Variants in HERC2 observed in about 807,000 individuals in gnomAD.
HERC2 encodes the protein E3 ubiquitin-protein ligase HERC2.
A neutral mutation model predicts 537.7 loss-of-function variants in HERC2; 102 were observed. The observed-to-expected ratio is 0.19, with a 90% CI of 0.16 to 0.22. The LOEUF is 0.22. HERC2 is among the 10% of genes least tolerant of loss of function. HERC2 has a pLI of 1.00. For synonymous variants in HERC2, 2,224 were observed against 2,466.2 expected, an observed-to-expected ratio of 0.90 and a Z score of 2.91; for missense variants, 4,236 against 6,198.2, an observed-to-expected ratio of 0.68 and a Z score of 10.63.
At position 28,130,499 on chromosome 15, in the gene HERC2, G is replaced by A. The variant is rs377613646; in HGVS notation, c.12662+4C>T. The A allele has an allele frequency of 9.9e-5, 159 of 1,612,292 alleles. No homozygotes were observed. The highest frequency in any genetic ancestry group is 6.6e-4 in the Middle Eastern group (4 of 6,058). Reference sequence around the variant, plus strand: ...TGGGTTTAAACAAACAGAATCTTGCGTACCAGGTATAAACAGCTCCAGATT... The same window carrying A: ...TGGGTTTAAACAAACAGAATCTTGCATACCAGGTATAAACAGCTCCAGATT... On this transcript the variant is annotated splice_donor_region_variant and intron_variant, in intron 82 of 92. Transcript: ENST00000261609.
At position 28,245,992 on chromosome 15, in the gene HERC2, C is replaced by T; in HGVS notation, c.3466G>A (p.Gly1156Arg). Reference sequence around the variant, plus strand: ...AGGCCACCCAGCAGAGGTACAGCTCCAGCCTCTTGCATGAGACCAGCATTT... The same window carrying T: ...AGGCCACCCAGCAGAGGTACAGCTCTAGCCTCTTGCATGAGACCAGCATTT... The part of the protein sequence containing the change: ...SKNAGLMQEA[G>R]AVPLLGGLLE... The change falls in exon 23 of 93, where the codon GGA becomes AGA. Residue 1156 changes from glycine to arginine, a missense_variant. Gly to Arg is a moderately radical substitution (Grantham distance 125). Around this residue, in one of 27 missense-constraint regions of HERC2, gnomAD observed 754 missense variants for 1,085.0 expected, o/e 0.69. Transcript: ENST00000261609. 6.2e-7 allele frequency: 1 copy of T among 1,613,946 alleles called. No homozygotes were observed.
intron 4 of HERC2, among the ~76,000 whole-genome samples, chr15:28,292,197 C>T (rs533744720): frequency 2.5e-4 from 36 of 141,584 alleles, no homozygotes; most frequent in African/African-American, 8.4e-4. Flanking sequence ...CCACTGCACT[C>T]CAGCCTGGGC....
chr15:28,287,937 C>G (rs2076205421), intron 4 of HERC2, among the ~76,000 whole-genome samples: 1 of 152,124 alleles, frequency 6.6e-6, no homozygotes, highest in South Asian at 2.1e-4. Flanking sequence ...TGTTAGCCAG[C>G]ATGGTCTCGA....
At chr15:28,141,688 C>T (rs1316421787) in intron 77 of HERC2, 43 bp downstream of exon 77, 16 of 1,610,876 alleles carry the variant, frequency 9.9e-6, no homozygotes, top group Non-Finnish European at 1.4e-5. Context: ...CACAGCCTCT[C>T]ACACTCACGA....
At position 28,270,707 on chromosome 15, in the gene HERC2, C is replaced by T. The variant is rs752063015; in HGVS notation, c.1245G>A (p.Pro415=). Residue 415 remains proline (P), a synonymous_variant, in exon 10 of 93, where the codon CCG becomes CCA. Transcript: ENST00000261609. ...TPCMPPLCSS[P]TSHKGSLQEV... ...CTTGCACACACACCTTATGAGATGT[C>T]GGAGAGCTACACAGCGGAGGCATAC... is the stretch of plus-strand genomic sequence containing the variant. 26 of 1,613,640 alleles carry T rather than the reference C, an allele frequency of 1.6e-5. No homozygotes were observed. The highest frequency in any genetic ancestry group is 6.7e-5 in the Admixed American group (4 of 59,992).
At chr15:28,138,073 C>T (rs1451973738) in intron 78 of HERC2, among the ~76,000 whole-genome samples, 2 of 152,196 alleles carry the variant, frequency 1.3e-5, no homozygotes, top group African/African-American at 4.8e-5. Flanking sequence ...TTCAATTCCA[C>T]GAAGGCTAAC....
intron 23 of HERC2, among the ~76,000 whole-genome samples, chr15:28,239,870 T>C: frequency 6.6e-6 from 1 of 152,158 alleles, no homozygotes; most frequent in East Asian, 1.9e-4. Flanking sequence ...GGAGCCATGT[T>C]GTTGGGAGAA....
rs760079208 is a variant in HERC2, at chr15:28,254,435, C to T, written c.2955G>A (p.Arg985=). 6.2e-7 allele frequency: 1 copy of T among 1,608,946 alleles called. No individual in the cohort carries two copies. Among genetic ancestry groups the T allele is most frequent in the South Asian group, 1.1e-5 (1 of 89,670 alleles). Residue 985 remains arginine (R), a synonymous_variant, in exon 20 of 93, where the codon AGG becomes AGA. Coordinates refer to ENST00000261609, the MANE Select transcript of HERC2 (RefSeq NM_004667.6). ...EANASTFHRS[R]TPLDKDLINT... ...TAATAAGGTCTTTATCCAGTGGAGT[C>T]CTGCTTCTATGAAATGTTGAGGCAT...
intron 70 of HERC2, among the ~76,000 whole-genome samples, chr15:28,148,993 G>A (rs1488973324): frequency 1.4e-5 from 2 of 145,736 alleles, no homozygotes; most frequent in South Asian, 2.2e-4. Flanking sequence ...AAACACACAC[G>A]GCTCCTAACC....
At chr15:28,191,636 A>G (rs1185780882) in intron 53 of HERC2, among the ~76,000 whole-genome samples, 5 of 152,200 alleles carry the variant, frequency 3.3e-5, no homozygotes. Flanking sequence ...CAAATTTGCT[A>G]GACTATACTA....
chr15:28,227,456 CAAAAAAAAAAAG>C (rs1296688404), intron 35 of HERC2, among the ~76,000 whole-genome samples: 1 of 97,704 alleles, frequency 1.0e-5, no homozygotes, highest in Non-Finnish European at 2.1e-5. Flanking sequence ...GGCCTTCATC[CAAAAAAAAAAAG>C]AAAAAAAAAA....
chr15:28,220,510 T>G lies in HERC2; in HGVS notation c.5787A>C (p.Ala1929=), dbSNP rs761531819. The G allele has an allele frequency of 1.2e-6, 2 of 1,603,502 alleles. No individual in the cohort carries two copies. The highest frequency in any genetic ancestry group is 2.2e-5 in the South Asian group (2 of 90,994). ...AGGGCTGTGCAGCAGCCGGCAGCTC[T>G]GCCAGCTTGAGGTCGTATTTTCCTT... ...GKEGKYDLKL[A]ELPAAAQPSA... is the part of the protein sequence containing the mutation. Residue 1929 remains alanine (A), a synonymous_variant, in exon 37 of 93, where the codon GCA becomes GCC. Transcript: ENST00000261609.
chr15:28,127,200 G>A (rs895164319), intron 83 of HERC2, among the ~76,000 whole-genome samples: 17 of 152,234 alleles, frequency 1.1e-4, no homozygotes, highest in Non-Finnish European at 2.9e-5. Context: ...CGAGGCGGGT[G>A]TCGCACACAC....
Position 28,117,164 on chromosome 15 carries a change from A to G in HERC2, c.13273-10T>C. On this transcript the variant is annotated splice_polypyrimidine_tract_variant and intron_variant, in intron 86 of 92. Coordinates refer to ENST00000261609, the MANE Select transcript of HERC2 (RefSeq NM_004667.6). ...TCCTTGATCGTTTGACCTGGAGAGG[A>G]GGAAGCAAGCAAGCGTGAGGCCGCT... 6.2e-7 allele frequency: 1 copy of G among 1,613,670 alleles called. No homozygotes were observed. Among genetic ancestry groups the G allele is most frequent in the African/African-American group, 1.3e-5 (1 of 75,046 alleles).
intron 86 of HERC2, chr15:28,117,926 G>A (rs530121833): frequency 5.9e-4 from 148 of 249,412 alleles, no homozygotes; most frequent in African/African-American, 3.2e-3. Context: ...CAGTCTGGAA[G>A]GATGTCAAAA....
chr15:28,248,001 C>G (rs1295715977), intron 21 of HERC2, among the ~76,000 whole-genome samples: 1 of 152,222 alleles, frequency 6.6e-6, no homozygotes, highest in African/African-American at 2.4e-5. Flanking sequence ...ATTCCCTCAA[C>G]AGTGCACAGC....
intron 31 of HERC2, 101 bp downstream of exon 31, chr15:28,230,266 G>T: frequency 1.7e-6 from 2 of 1,191,762 alleles, no homozygotes; most frequent in Non-Finnish European, 2.5e-6. Context: ...TCTAACAACC[G>T]CCCGTCCCTC....
rs1044911337 is a variant in HERC2 at position 28,111,523 on chromosome 15, A to C, written c.*240T>G. On this transcript the variant is annotated 3_prime_UTR_variant, in exon 93 of 93. Transcript: ENST00000261609. ...CTTTAGTAAACACAGTCCTACATGT[A>C]ATGCAGCATTACGGGTGAGAAGACC... The C allele has an allele frequency of 1.8e-6, 1 of 566,136 alleles. No individual in the cohort carries two copies. Among genetic ancestry groups the C allele is most frequent in the Non-Finnish European group, 3.1e-6 (1 of 319,614 alleles). 35.1% of individuals were successfully genotyped at this position (566,136 alleles called of 1,614,324 possible). A position where few individuals can be genotyped will look rare whatever the true frequency, so the allele number is the denominator to read the frequency against.
rs535439278 is a variant in HERC2, at chr15:28,209,389, G to C, written c.7069+1613C>G. 2.5e-3 allele frequency among the ~76,000 whole-genome samples: 385 copies of C among 151,944 alleles called. 1 individual carries two copies. The highest frequency in any genetic ancestry group is 8.8e-3 in the African/African-American group (365 of 41,432). On this transcript the variant is annotated intron_variant, in intron 44 of 92. Coordinates refer to ENST00000261609, the MANE Select transcript of HERC2 (RefSeq NM_004667.6). ...GACAGAGTCTCGCTCTGTCACCCAG[G>C]CTGGAGTGCAGTGACACGATCTCGC...
Sources: allele counts gnomAD v4.1 joint callset (sites outside exome capture counted in the v4.1 genomes callset), GRCh38; gene constraint gnomAD v4.1.1; regional missense constraint gnomAD v4.1.1; transcripts MANE v1.5; gene names NCBI Gene and HGNC (gene_info 2026-07-23, HGNC 2026-07-21).